The following SHCBP1 variants were observed in gnomAD, a reference collection of about 807,000 sequenced individuals.
SHCBP1 encodes SHC binding and spindle associated 1.
SHCBP1 carries 60 observed loss-of-function variants against 75.1 expected under a neutral mutation model. The ratio of observed to expected loss-of-function variants is 0.80; its 90% CI spans 0.65 to 0.99. The LOEUF (loss-of-function observed/expected upper bound fraction) is 0.99. Among genes scored for constraint, SHCBP1 ranks in the 50% least tolerant of loss-of-function variants. The probability of loss-of-function intolerance (pLI) is 0.00; values close to 1 mark genes in which losing one functional copy is unlikely to be tolerated. For missense variants in SHCBP1, 709 were observed against 809.4 expected (o/e 0.88, Z 1.50); for synonymous variants, 290 against 293.2 (o/e 0.99, Z 0.11).
intron 10 of SHCBP1, among the ~76,000 whole-genome samples, chr16:46,591,836 C>A (rs1395412343): frequency 6.6e-6 from 1 of 151,976 alleles, no homozygotes; most frequent in Non-Finnish European, 1.5e-5. Context: ...AACTGGAATT[C>A]AACAACAGAA....
At chr16:46,605,573 C>A (rs2039983086) in intron 5 of SHCBP1, among the ~76,000 whole-genome samples, 1 of 152,066 alleles carries the variant, frequency 6.6e-6, no homozygotes, top group Admixed American at 6.6e-5. Context: ...CCAGCCTGGG[C>A]AACAGAGCAA....
intron 4 of SHCBP1, 132 bp downstream of exon 4, chr16:46,615,814 G>T: frequency 2.9e-6 from 2 of 691,982 alleles, no homozygotes; most frequent in Non-Finnish European, 2.5e-6. Flanking sequence ...TCCTATCTTT[G>T]GATATTTTTA....
Position 46,580,048 on chromosome 16 carries a change from T to A in SHCBP1, c.*1681A>T, listed in dbSNP as rs1323514648. ...ACTGAGGCAGGAGAATTGCTTGAAT[T>A]CAGGAGGTGGAGGTTACAGTAAGCC... On this transcript the variant is annotated 3_prime_UTR_variant, in exon 13 of 13. Transcript: ENST00000303383. 6.8e-6 allele frequency among the ~76,000 whole-genome samples: 1 copy of A among 146,930 alleles called. No homozygotes were observed. The highest frequency in any genetic ancestry group is 1.5e-5 in the Non-Finnish European group (1 of 66,976).
rs755336529 is a variant in SHCBP1, at chr16:46,582,045, G to C, written c.1703C>G (p.Ala568Gly). Residue 568 changes from alanine to glycine, a missense_variant, in exon 13 of 13, where the codon GCG becomes GGG. By Grantham distance (60) the Ala-to-Gly change is moderately conservative (BLOSUM62 0). Coordinates refer to ENST00000303383, the MANE Select transcript of SHCBP1 (RefSeq NM_024745.5). ...CTCTCCACTTGTCTGAATTTTAAGC[G>C]CTTTATTTTCTGGAGAAACAAACAA... The part of the protein sequence containing the change: ...NAEDGTEENK[A>G]LKIQTSGEPD... 1 of 1,594,704 alleles carries C rather than the reference G, an allele frequency of 6.3e-7. No homozygotes were observed. Among genetic ancestry groups the C allele is most frequent in the South Asian group, 1.1e-5 (1 of 87,480 alleles).
At chr16:46,615,609 G>A (rs1965481946) in intron 4 of SHCBP1, among the ~76,000 whole-genome samples, 1 of 151,980 alleles carries the variant, frequency 6.6e-6, no homozygotes, top group South Asian at 2.1e-4. Context: ...ACATGGTGGT[G>A]CACACCTGTA....
At chr16:46,601,448 A>C (rs1217330541) in intron 8 of SHCBP1, among the ~76,000 whole-genome samples, 1 of 152,246 alleles carries the variant, frequency 6.6e-6, no homozygotes, top group East Asian at 1.9e-4. Flanking sequence ...ATTATAAAAC[A>C]GAACCACATA....
chr16:46,600,097 A>T (rs2143000000), intron 8 of SHCBP1, 135 bp from the exon 9 acceptor site: 1 of 997,920 alleles, frequency 1.0e-6, no homozygotes, highest in East Asian at 2.8e-5. Context: ...CATTTAAATA[A>T]AATCTATCTC....
At chr16:46,619,806 G>A (rs1305683950) in intron 1 of SHCBP1, among the ~76,000 whole-genome samples, 1 of 152,136 alleles carries the variant, frequency 6.6e-6, no homozygotes, top group Admixed American at 6.6e-5. Context: ...AGGCCGAGAT[G>A]GGCGGATCAC....
rs766921376 is a variant in SHCBP1, at chr16:46,581,853, CTTTTCTTCT to C, written c.1886_1894del (p.Lys629_Lys631del). ...TTGCGTGATCCCCAGTTCACTCAAC[CTTTTCTTCT>C]TTATCTGGCCTTTCTGTGTGGAGGC... On this transcript the variant is annotated inframe_deletion, in exon 13 of 13. Transcript: ENST00000303383. 6.2e-7 allele frequency: 1 copy of C among 1,614,126 alleles called. No individual in the cohort carries two copies. Among genetic ancestry groups the C allele is most frequent in the South Asian group, 1.1e-5 (1 of 91,086 alleles).
rs77764771 is a variant in SHCBP1, at chr16:46,590,936, G to A, written c.1464+4616C>T. 8.9e-3 allele frequency among the ~76,000 whole-genome samples: 1,351 copies of A among 152,230 alleles called. 33 individuals carry two copies. In the East Asian group the frequency reaches 0.1, roughly 11 times the overall value. ...CCAACAAAAATGTCCATCAAAAATA[G>A]ACTGGATTAAGAAAATGTGGCACAT... On this transcript the variant is annotated intron_variant, in intron 10 of 12. Transcript: ENST00000303383.
rs529389434 is a variant in SHCBP1 at position 46,583,944 on chromosome 16, T to C, written c.1551+59A>G. On this transcript the variant is annotated intron_variant, in intron 11 of 12. Transcript: ENST00000303383. Reference sequence around the variant, plus strand: ...TAGAACCCAACAATTTAATAAAGCATAATTTGTAGGTAAAACCATTCTATC... The same window carrying C: ...TAGAACCCAACAATTTAATAAAGCACAATTTGTAGGTAAAACCATTCTATC... 3.4e-5 allele frequency: 48 copies of C among 1,417,558 alleles called. No homozygotes were observed. In the South Asian group the frequency reaches 5.4e-4, roughly 16 times the overall value. The allele number at this position is 1,417,558 out of a possible 1,614,324, so 87.8% of individuals were successfully genotyped here.
intron 3 of SHCBP1, among the ~76,000 whole-genome samples, chr16:46,617,190 G>A (rs1965512711): frequency 6.6e-6 from 1 of 152,108 alleles, no homozygotes; most frequent in African/African-American, 2.4e-5. Context: ...CAAAAACTGG[G>A]CTAGTTTAAA....
In SHCBP1 at chr16:46,599,874, T is replaced by C; in HGVS notation, c.1302A>G (p.Ser434=). ...CATCATGCTGAACAAATTTTATGCC[T>C]GAGATTTTAATATCAGCACCAGTGC... ...VDCTGADIKI[S]GIKFVQHDAV... is the part of the protein sequence containing the mutation. The change falls in exon 9 of 13, where the codon TCA becomes TCG. Residue 434 remains serine (S), a synonymous_variant. Coordinates refer to ENST00000303383, the MANE Select transcript of SHCBP1 (RefSeq NM_024745.5). 1 of 1,611,398 alleles carries C rather than the reference T, an allele frequency of 6.2e-7. No individual in the cohort carries two copies. Among genetic ancestry groups the C allele is most frequent in the Non-Finnish European group, 8.5e-7 (1 of 1,178,904 alleles).
rs374914002 is a variant in SHCBP1 at position 46,617,705 on chromosome 16, A to G, written c.316T>C (p.Leu106=). The G allele has an allele frequency of 1.3e-5, 21 of 1,613,162 alleles. No individual in the cohort carries two copies. The highest frequency in any genetic ancestry group is 1.9e-4 in the Middle Eastern group (1 of 5,290). The part of the protein sequence containing the change: ...SEVQEFTAEF[L]EKVLEPSGWR... ...CCAGATGGCTCAAGGACCTTCTCCA[A>G]GAACTCAGCTGTGAATTCCTGTACC... The change falls in exon 3 of 13, where the codon TTG becomes CTG. Residue 106 remains leucine, a synonymous_variant. Coordinates refer to ENST00000303383, the MANE Select transcript of SHCBP1 (RefSeq NM_024745.5).
intron 10 of SHCBP1, among the ~76,000 whole-genome samples, chr16:46,589,190 T>C (rs1411104457): frequency 6.6e-6 from 1 of 152,154 alleles, no homozygotes; most frequent in Non-Finnish European, 1.5e-5. Context: ...TAAGAGCTGT[T>C]TATGACAAAC....
intron 4 of SHCBP1, among the ~76,000 whole-genome samples, chr16:46,610,982 G>A (rs992668057): frequency 2.6e-5 from 4 of 152,200 alleles, no homozygotes; most frequent in African/African-American, 9.7e-5. Context: ...CAGTCAAGAA[G>A]CAGGAAGAGC....
chr16:46,589,743 G>A (rs1202890036), intron 10 of SHCBP1, among the ~76,000 whole-genome samples: 1 of 152,114 alleles, frequency 6.6e-6, no homozygotes, highest in East Asian at 1.9e-4. Context: ...TGGCCATACT[G>A]CCCAAGGTAA....
intron 5 of SHCBP1, among the ~76,000 whole-genome samples, chr16:46,605,316 C>T (rs1288002611): frequency 1.3e-5 from 2 of 152,184 alleles, no homozygotes; most frequent in Non-Finnish European, 2.9e-5. Context: ...AGGCCAGGCA[C>T]AGTGGCTCAC....
At position 46,609,551 on chromosome 16, in the gene SHCBP1, G is replaced by A. The variant is rs368893580; in HGVS notation, c.597-1162C>T. On this transcript the variant is annotated intron_variant, in intron 4 of 12. Coordinates refer to ENST00000303383, the MANE Select transcript of SHCBP1 (RefSeq NM_024745.5). ...ACTGCAACCTCTGCCTCCTGGGTTCGAGCAATTCTCCTGCCTCAGCCTCCT... is the reference window on the plus strand; with the variant it reads ...ACTGCAACCTCTGCCTCCTGGGTTCAAGCAATTCTCCTGCCTCAGCCTCCT... Among the ~76,000 whole-genome samples, 12 of 142,670 alleles carry A rather than the reference G, an allele frequency of 8.4e-5. No individual in the cohort carries two copies. In the East Asian group the frequency reaches 1.8e-3, roughly 22 times the overall value. 93.6% of individuals were successfully genotyped at this position (142,670 alleles called of 152,430 possible). A position where few individuals can be genotyped will look rare whatever the true frequency, so the allele number is the denominator to read the frequency against.
Sources: allele counts gnomAD v4.1 joint callset (sites outside exome capture counted in the v4.1 genomes callset), GRCh38; gene constraint gnomAD v4.1.1; transcripts MANE v1.5; gene names NCBI Gene and HGNC (gene_info 2026-07-23, HGNC 2026-07-21).